WDR47: variants seen among roughly 807,000 people sequenced by gnomAD.
The protein encoded by WDR47 is WD repeat-containing protein 47.
A neutral mutation model predicts 97.2 loss-of-function variants in WDR47; 32 were observed. The observed-to-expected ratio is 0.33, with a 90% CI of 0.25 to 0.44. The LOEUF (loss-of-function observed/expected upper bound fraction) is 0.44. WDR47 is among the 20% of genes least tolerant of loss of function. WDR47 has a pLI of 1.00. For missense variants in WDR47, 782 were observed against 1,102.3 expected (o/e 0.71, Z 4.11); for synonymous variants, 375 against 373.5 (o/e 1.00, Z -0.05).
chr1:109,040,719 T>G (rs762139731), intron 1 of WDR47, among the ~76,000 whole-genome samples: 9 of 152,154 alleles, frequency 5.9e-5, no homozygotes, highest in Non-Finnish European at 8.8e-5. Flanking sequence ...AAATGAGACC[T>G]CGACAATATG....
intron 14 of WDR47, 139 bp from the exon 15 acceptor site, chr1:108,971,711 G>T: frequency 1.1e-6 from 1 of 928,394 alleles, no homozygotes; most frequent in Non-Finnish European, 1.6e-6. Flanking sequence ...GGTTTATACA[G>T]GGATAAATTA....
In WDR47 at chr1:109,023,207, A is replaced by C. The variant is rs1358311300; in HGVS notation, c.158+148T>G. ...GACAGAGCAAGACTCCGTCTCAAAA[A>C]ATAAAATAAAATAAAATATTTTTTA... On this transcript the variant is annotated intron_variant, in intron 2 of 14. Transcript: ENST00000369962. 7 of 742,568 alleles carry C rather than the reference A, an allele frequency of 9.4e-6. No homozygotes were observed. The East Asian group carries it at 3.2e-4, about 34-fold the overall frequency. 46.0% of individuals were successfully genotyped at this position (742,568 alleles called of 1,614,324 possible).
At chr1:108,982,847 A>C in intron 11 of WDR47, 68 bp from the exon 12 acceptor site, 2 of 1,477,774 alleles carry the variant, frequency 1.4e-6, no homozygotes, top group Non-Finnish European at 1.8e-6. Context: ...TGAGATTGCT[A>C]AACTACCTCA....
intron 10 of WDR47, among the ~76,000 whole-genome samples, chr1:108,984,745 G>A (rs149536463): frequency 1.1e-3 from 161 of 152,228 alleles, no homozygotes; most frequent in African/African-American, 3.3e-3. Context: ...AGGCATCGTG[G>A]TGCATGCCTG....
At chr1:108,999,702 T>C (rs1422956209) in intron 7 of WDR47, among the ~76,000 whole-genome samples, 1 of 151,776 alleles carries the variant, frequency 6.6e-6, no homozygotes, top group Admixed American at 6.6e-5. Flanking sequence ...AGAATTTAAA[T>C]TCTATTTATG....
Position 108,971,341 on chromosome 1 carries a change from G to C in WDR47, c.*89C>G. On this transcript the variant is annotated 3_prime_UTR_variant, in exon 15 of 15. Transcript: ENST00000369962. ...CTCTTCGTGCTAAACCACTTTCCTG[G>C]ACACTATGTTCTTCAGATTTGTAAT... 6.4e-7 allele frequency: 1 copy of C among 1,555,310 alleles called. No individual in the cohort carries two copies. Among genetic ancestry groups the C allele is most frequent in the Non-Finnish European group, 8.8e-7 (1 of 1,142,782 alleles).
In WDR47 at chr1:109,011,494, T is replaced by C; in HGVS notation, c.552A>G (p.Glu184=). Residue 184 remains glutamate, a synonymous_variant, in exon 5 of 15, where the codon GAA becomes GAG. Coordinates refer to ENST00000369962, the MANE Select transcript of WDR47 (RefSeq NM_001142551.2). Reference sequence around the variant, plus strand: ...GATTGTTACTAGCCTTAAAACCAGCTTCACTTAGCTTCCTATCAGCAGGGA... The same window carrying C: ...GATTGTTACTAGCCTTAAAACCAGCCTCACTTAGCTTCCTATCAGCAGGGA... ...EFIPADRKLS[E]AGFKASNNRL... is the part of the protein sequence containing the mutation. The C allele has an allele frequency of 6.2e-7, 1 of 1,614,214 alleles. No homozygotes were observed. Among genetic ancestry groups the C allele is most frequent in the Non-Finnish European group, 8.5e-7 (1 of 1,180,046 alleles).
At chr1:109,028,020 C>T (rs1402155595) in intron 1 of WDR47, among the ~76,000 whole-genome samples, 1 of 152,064 alleles carries the variant, frequency 6.6e-6, no homozygotes, top group Non-Finnish European at 1.5e-5. Flanking sequence ...TATAAATCTG[C>T]AAAAGATTTT....
intron 5 of WDR47, among the ~76,000 whole-genome samples, chr1:109,007,221 CAAA>C (rs542534921): frequency 8.7e-5 from 8 of 92,012 alleles, no homozygotes; most frequent in Admixed American, 1.2e-4. Context: ...AATGTATACT[CAAA>C]AAAAAAAAAA....
chr1:108,979,773 T>G (rs964934724), intron 13 of WDR47, among the ~76,000 whole-genome samples: 10 of 152,202 alleles, frequency 6.6e-5, no homozygotes, highest in African/African-American at 2.2e-4. Flanking sequence ...GTTAGATCAG[T>G]AGTCATTGTT....
intron 13 of WDR47, among the ~76,000 whole-genome samples, chr1:108,980,776 GAATAA>G (rs1263947000): frequency 2.0e-5 from 3 of 151,590 alleles, no homozygotes; most frequent in Non-Finnish European, 4.4e-5. Context: ...AGGTACTTCA[GAATAA>G]AATAAGGATA....
At chr1:109,035,388 CTTT>C (rs1469247526) in intron 1 of WDR47, among the ~76,000 whole-genome samples, 1 of 151,714 alleles carries the variant, frequency 6.6e-6, no homozygotes, top group Admixed American at 6.6e-5. Context: ...TTGAAGGAGA[CTTT>C]TTTATTTTTT....
chr1:108,994,150 C>T (rs189540955), intron 8 of WDR47, among the ~76,000 whole-genome samples: 71 of 152,286 alleles, frequency 4.7e-4, no homozygotes, highest in Middle Eastern at 3.4e-3. Flanking sequence ...GTAACTCCAG[C>T]ACTTTGGGAG....
intron 4 of WDR47, among the ~76,000 whole-genome samples, chr1:109,012,439 G>C (rs1057499834): frequency 1.4e-4 from 21 of 151,916 alleles, no homozygotes; most frequent in African/African-American, 5.1e-4. Flanking sequence ...CAGGCACAGT[G>C]GCGGGCACCT....
At chr1:109,008,845 T>G (rs1660827186) in intron 5 of WDR47, among the ~76,000 whole-genome samples, 1 of 152,046 alleles carries the variant, frequency 6.6e-6, no homozygotes, top group African/African-American at 2.4e-5. Flanking sequence ...TGACCTCAAG[T>G]GATCCACCCA....
At chr1:108,979,244 AAACAC>A (rs1658157991) in intron 13 of WDR47, among the ~76,000 whole-genome samples, 1 of 152,260 alleles carries the variant, frequency 6.6e-6, no homozygotes, top group Admixed American at 6.5e-5. Context: ...ACAAACAAAC[AAACAC>A]AATTATTAAC....
intron 10 of WDR47, 79 bp downstream of exon 10, chr1:108,986,444 T>C: frequency 7.8e-7 from 1 of 1,281,458 alleles, no homozygotes; most frequent in Non-Finnish European, 1.1e-6. Flanking sequence ...CACTACTGAA[T>C]GGCAATTCTG....
chr1:108,999,813 G>A (rs142003137), intron 7 of WDR47, among the ~76,000 whole-genome samples: 10 of 152,176 alleles, frequency 6.6e-5, no homozygotes, highest in African/African-American at 2.4e-4. Context: ...ACAGAACTTT[G>A]CCATTTCATC....
In WDR47 at chr1:109,029,051, G is replaced by A. The variant is rs534594019; in HGVS notation, c.-9-5530C>T. ...AAGTATGTCTGGAAACCAGCTAGAA[G>A]GTATTTAGTATTTTAGTCCTTAGAT... On this transcript the variant is annotated intron_variant, in intron 1 of 14. Transcript: ENST00000369962. Among the ~76,000 whole-genome samples the A allele has an allele frequency of 3.9e-5, 6 of 152,206 alleles. 1 individual carries two copies. The highest frequency in any genetic ancestry group is 1.4e-4 in the African/African-American group (6 of 41,526).
Sources: gnomAD v4.1 joint callset for allele counts (sites outside exome capture counted in the v4.1 genomes callset) on GRCh38, gnomAD v4.1.1 for gene constraint, MANE v1.5 for transcripts, NCBI Gene and HGNC (gene_info 2026-07-23, HGNC 2026-07-21) for gene names.